IMMP2L: variants seen among roughly 807,000 people sequenced by gnomAD.
IMMP2L encodes mitochondrial inner membrane protease subunit 2.
A neutral mutation model predicts 19.3 loss-of-function variants in IMMP2L; 18 were observed. The ratio of observed to expected loss-of-function variants is 0.93; its 90% CI spans 0.64 to 1.38. The LOEUF is 1.38. IMMP2L is among the 40% of genes most tolerant of loss of function. IMMP2L has a pLI of 0.00. For synonymous variants in IMMP2L, 76 were observed against 73.0 expected, an observed-to-expected ratio of 1.04 and a Z score of -0.21; for missense variants, 233 against 218.2, an observed-to-expected ratio of 1.07 and a Z score of -0.43.
intron 5 of IMMP2L, among the ~76,000 whole-genome samples, chr7:110,730,179 G>T (rs558644745): frequency 1.4e-4 from 22 of 152,234 alleles, no homozygotes; most frequent in African/African-American, 4.8e-4. Context: ...GCGTCTATGA[G>T]GGTGCTGCCA....
intron 1 of IMMP2L, among the ~76,000 whole-genome samples, chr7:111,559,329 C>T (rs1402607226): frequency 1.3e-5 from 2 of 152,284 alleles, no homozygotes; most frequent in East Asian, 3.9e-4. Context: ...GGACATGAAG[C>T]ATCAGCATTT....
chr7:111,458,882 A>C (rs1189836022), intron 3 of IMMP2L, among the ~76,000 whole-genome samples: 1 of 152,208 alleles, frequency 6.6e-6, no homozygotes, highest in African/African-American at 2.4e-5. Context: ...ATTAGAATTC[A>C]AAACTTCTAG....
intron 3 of IMMP2L, among the ~76,000 whole-genome samples, chr7:111,013,351 A>C (rs1825177120): frequency 6.6e-6 from 1 of 152,174 alleles, no homozygotes; most frequent in Non-Finnish European, 1.5e-5. Flanking sequence ...GCCAATGAAA[A>C]GGCTTCTACA....
At chr7:110,847,280 A>G (rs1805760572) in intron 5 of IMMP2L, among the ~76,000 whole-genome samples, 1 of 152,194 alleles carries the variant, frequency 6.6e-6, no homozygotes, top group African/African-American at 2.4e-5. Flanking sequence ...TTTAAGATGT[A>G]CAACATGGAT....
At chr7:111,316,851 T>TC (rs1275039614) in intron 3 of IMMP2L, among the ~76,000 whole-genome samples, 209 of 135,504 alleles carry the variant, frequency 1.5e-3, no homozygotes, top group African/African-American at 4.6e-3. Flanking sequence ...TTTTCTTTTT[T>TC]TTTTTTTTTT....
chr7:110,689,130 C>T (rs570059434), intron 5 of IMMP2L, among the ~76,000 whole-genome samples: 15 of 152,184 alleles, frequency 9.9e-5, no homozygotes, highest in South Asian at 4.1e-4. Flanking sequence ...TGTGGAACTC[C>T]GCATTCTGTG....
intron 5 of IMMP2L, among the ~76,000 whole-genome samples, chr7:110,719,370 TTTCTC>T (rs1274488644): frequency 6.6e-6 from 1 of 152,128 alleles, no homozygotes; most frequent in African/African-American, 2.4e-5. Flanking sequence ...AAAAAAGGCC[TTTCTC>T]ACTAATTTTA....
intron 4 of IMMP2L, among the ~76,000 whole-genome samples, chr7:110,931,914 G>T (rs138366409): frequency 2.5e-4 from 38 of 151,958 alleles, no homozygotes; most frequent in Non-Finnish European, 4.4e-4. Flanking sequence ...TGCTTTTCTC[G>T]CTACCTTAAA....
intron 3 of IMMP2L, among the ~76,000 whole-genome samples, chr7:111,049,289 C>G (rs1792777339): frequency 6.6e-6 from 1 of 151,688 alleles, no homozygotes; most frequent in South Asian, 2.1e-4. Context: ...CGCCACTACG[C>G]CCGGCTAATT....
intron 5 of IMMP2L, among the ~76,000 whole-genome samples, chr7:110,771,977 C>T (rs1243621056): frequency 1.3e-5 from 2 of 152,150 alleles, no homozygotes; most frequent in South Asian, 2.1e-4. Flanking sequence ...AACTCTTAGT[C>T]ATGATCTTTT....
intron 3 of IMMP2L, among the ~76,000 whole-genome samples, chr7:111,150,220 A>G (rs1341264078): frequency 1.3e-5 from 2 of 152,228 alleles, no homozygotes; most frequent in East Asian, 1.9e-4. Flanking sequence ...CATGCTCTCT[A>G]TTTTTAATTT....
chr7:111,419,072 C>T (rs1003276311), intron 3 of IMMP2L, among the ~76,000 whole-genome samples: 8 of 151,726 alleles, frequency 5.3e-5, no homozygotes, highest in African/African-American at 9.7e-5. Flanking sequence ...AAATCAAATG[C>T]CTAGCTTCAC....
chr7:110,970,102 T>C (rs779986294), intron 3 of IMMP2L, among the ~76,000 whole-genome samples: 6 of 151,992 alleles, frequency 3.9e-5, no homozygotes, highest in Non-Finnish European at 8.8e-5. Flanking sequence ...GTCTTATTAG[T>C]GAATCAGCCT....
intron 5 of IMMP2L, among the ~76,000 whole-genome samples, chr7:110,717,297 A>C (rs1795290854): frequency 1.3e-5 from 2 of 152,118 alleles, no homozygotes; most frequent in African/African-American, 2.4e-5. Context: ...TAATACGGTG[A>C]AACCCCATCT....
chr7:111,526,912 A>G (rs1374550502), intron 1 of IMMP2L, among the ~76,000 whole-genome samples: 2 of 152,174 alleles, frequency 1.3e-5, no homozygotes, highest in African/African-American at 4.8e-5. Context: ...GGTAGTATGC[A>G]TGATTAAAAT....
chr7:111,059,970 T>TC (rs1171755234), intron 3 of IMMP2L, among the ~76,000 whole-genome samples: 3 of 151,712 alleles, frequency 2.0e-5, no homozygotes, highest in African/African-American at 7.3e-5. Context: ...AGAATCCAAG[T>TC]CCCATGAAAG....
intron 3 of IMMP2L, among the ~76,000 whole-genome samples, chr7:111,048,661 T>C (rs554625379): frequency 6.0e-4 from 91 of 152,322 alleles, no homozygotes; most frequent in African/African-American, 2.0e-3. Context: ...AAATATATAC[T>C]ATAATGCTAG....
chr7:111,015,650 T>C (rs1200176846), intron 3 of IMMP2L, among the ~76,000 whole-genome samples: 3 of 152,132 alleles, frequency 2.0e-5, no homozygotes, highest in Admixed American at 6.6e-5. Context: ...AGAAAGTAGA[T>C]TGGCAGTTGC....
rs137914552 is a variant in IMMP2L, at chr7:111,453,562, G to A, written c.239+33676C>T. ...GAGCATTGTTTGATATCGGTAACTT[G>A]CTTTAAACTGATTAAGCACATGTAA... On this transcript the variant is annotated intron_variant, in intron 3 of 5. Transcript: ENST00000405709. Among the ~76,000 whole-genome samples the A allele has an allele frequency of 2.0e-3, 306 of 152,202 alleles. 3 individuals carry two copies. Among genetic ancestry groups the A allele is most frequent in the African/African-American group, 7.0e-3 (290 of 41,516 alleles).
Sources: allele counts gnomAD v4.1 joint callset (sites outside exome capture counted in the v4.1 genomes callset), GRCh38; gene constraint gnomAD v4.1.1; transcripts MANE v1.5; gene names NCBI Gene and HGNC (gene_info 2026-07-23, HGNC 2026-07-21).